Variants in TNFAIP8 observed in about 807,000 individuals in gnomAD.
TNFAIP8 encodes TNF alpha induced protein 8.
TNFAIP8 carries 7 observed loss-of-function variants against 13.3 expected under a neutral mutation model. The observed-to-expected ratio is 0.52, with a 90% CI of 0.30 to 0.99. The LOEUF is 0.99. Ranked by LOEUF, TNFAIP8 falls within the 50% of genes least tolerant of loss-of-function variation. The probability of loss-of-function intolerance (pLI) is 0.07; values close to 1 mark genes in which losing one functional copy is unlikely to be tolerated. For synonymous variants in TNFAIP8, 94 were observed against 87.6 expected (o/e 1.07, Z -0.41); for missense variants, 258 against 236.9 (o/e 1.09, Z -0.58).
intron 1 of TNFAIP8, among the ~76,000 whole-genome samples, chr5:119,391,188 C>T (rs977518424): frequency 6.6e-6 from 1 of 152,074 alleles, no homozygotes; most frequent in Non-Finnish European, 1.5e-5. Flanking sequence ...GTCACTCTTC[C>T]TATATGTCTT....
intron 1 of TNFAIP8, chr5:119,306,314 C>CTTTTTTTTTTTTTTTTTTTTTTTTTTTT (rs1324521590): frequency 7.4e-6 from 1 of 135,932 alleles, no homozygotes; most frequent in African/African-American, 3.4e-5. Context: ...TTCTTTCTTT[C>CTTTTTTTTTTTTTTTTTTTTTTTTTTTT]TTTCTTTTTC....
At chr5:119,356,386 T>C (rs184219769) in intron 1 of TNFAIP8, among the ~76,000 whole-genome samples, 1 of 152,264 alleles carries the variant, frequency 6.6e-6, no homozygotes, top group African/African-American at 2.4e-5. Context: ...TTTAGCTTTC[T>C]CTGGAAACGA....
chr5:119,283,985 G>A (rs1210258096), intron 1 of TNFAIP8, among the ~76,000 whole-genome samples: 1 of 152,140 alleles, frequency 6.6e-6, no homozygotes. Context: ...CCTCTGGTTA[G>A]CCCATGTATG....
At position 119,274,282 on chromosome 5, in the gene TNFAIP8, G is replaced by A. The variant is rs551488307; in HGVS notation, c.1+5375G>A. On this transcript the variant is annotated intron_variant, in intron 1 of 1. Transcript: ENST00000274456. ...CAAACTTTGGTCACGTAAATCTTTG[G>A]GAAGTAAGTCCAGTACCTCATTCCA... Among the ~76,000 whole-genome samples the A allele has an allele frequency of 3.9e-5, 6 of 152,342 alleles. No individual in the cohort carries two copies. In the East Asian group the frequency reaches 9.6e-4, roughly 24 times the overall value.
At chr5:119,302,433 T>C (rs1381058793) in intron 1 of TNFAIP8, among the ~76,000 whole-genome samples, 1 of 152,234 alleles carries the variant, frequency 6.6e-6, no homozygotes, top group Non-Finnish European at 1.5e-5. Context: ...CCTCTGCTTC[T>C]AGTATGTTTT....
intron 1 of TNFAIP8, among the ~76,000 whole-genome samples, chr5:119,293,034 A>G (rs1009804417): frequency 2.0e-5 from 3 of 152,072 alleles, no homozygotes; most frequent in African/African-American, 4.8e-5. Flanking sequence ...TGTTGTCACC[A>G]ATGGCAGGAG....
chr5:119,386,889 A>G (rs889454346), intron 1 of TNFAIP8, among the ~76,000 whole-genome samples: 4 of 151,884 alleles, frequency 2.6e-5, no homozygotes, highest in Admixed American at 6.6e-5. Context: ...GCTTGCTGCC[A>G]TGGTCGTTGC....
chr5:119,314,845 A>G (rs953994089), intron 1 of TNFAIP8, among the ~76,000 whole-genome samples: 1 of 152,208 alleles, frequency 6.6e-6, no homozygotes, highest in African/African-American at 2.4e-5. Flanking sequence ...TGTATGGCGC[A>G]TAGTAAAGTA....
intron 1 of TNFAIP8, among the ~76,000 whole-genome samples, chr5:119,372,278 C>G (rs764536744): frequency 4.1e-5 from 6 of 146,628 alleles, no homozygotes; most frequent in Admixed American, 1.4e-4. Flanking sequence ...GAGCAGAGAT[C>G]GTGCCACTTC....
In TNFAIP8 at chr5:119,398,805, A is replaced by G. The variant is rs368852663; in HGVS notation, c.*5424A>G. On this transcript the variant is annotated 3_prime_UTR_variant, in exon 2 of 2. Coordinates refer to ENST00000504771, the MANE Select transcript of TNFAIP8 (RefSeq NM_014350.4). ...GAGTATAAATATCTATATTGTTACC[A>G]TTATCTGGGATAATTGATGATTTAT... is the stretch of plus-strand genomic sequence containing the variant. 2 of 152,356 alleles carry G rather than the reference A, an allele frequency of 1.3e-5. No homozygotes were observed. Among genetic ancestry groups the G allele is most frequent in the Non-Finnish European group, 1.5e-5 (1 of 68,030 alleles). The allele number at this position is 152,356 out of a possible 1,614,324, so 9.4% of individuals were successfully genotyped here. A position where few individuals can be genotyped will look rare whatever the true frequency, so the allele number is the denominator to read the frequency against.
upstream of TNFAIP8, chr5:119,356,002 C>A: frequency 1.3e-6 from 2 of 1,530,382 alleles, no homozygotes; most frequent in South Asian, 1.2e-5. Context: ...TATTTTCCGT[C>A]GTGTGCGGAT....
chr5:119,355,349 A>G, upstream of TNFAIP8: 1 of 702,454 alleles, frequency 1.4e-6, no homozygotes. Context: ...GCCCGGGGCT[A>G]TACTGAATGA....
chr5:119,379,381 A>G (rs1020034012), intron 1 of TNFAIP8, among the ~76,000 whole-genome samples: 2 of 152,240 alleles, frequency 1.3e-5, no homozygotes, highest in Admixed American at 6.5e-5. Context: ...CTCTTTCACA[A>G]GACAGAAAAG....
At chr5:119,355,840 C>T (rs993607579), upstream of TNFAIP8, 24 of 1,066,434 alleles carry the variant, frequency 2.3e-5, no homozygotes, top group Non-Finnish European at 2.4e-5. Flanking sequence ...CGCCCGGCTG[C>T]CGGCCCGAGC....
chr5:119,356,206 T>G (rs1751405521), intron 1 of TNFAIP8, 85 bp downstream of exon 1: 1 of 1,268,210 alleles, frequency 7.9e-7, no homozygotes, highest in Middle Eastern at 2.0e-4. Context: ...ATGGGAGTTT[T>G]AAAGTGAGCG....
At chr5:119,364,841 GTTTTTTTTTTTT>G (rs10714712) in intron 1 of TNFAIP8, among the ~76,000 whole-genome samples, 10 of 88,700 alleles carry the variant, frequency 1.1e-4, no homozygotes, top group Middle Eastern at 5.7e-3. Context: ...TTTCTTTTCA[GTTTTTTTTTTTT>G]TTTTTTTTTT....
intron 1 of TNFAIP8, among the ~76,000 whole-genome samples, chr5:119,300,402 A>G (rs1439106745): frequency 3.3e-5 from 5 of 152,256 alleles, no homozygotes; most frequent in African/African-American, 1.2e-4. Flanking sequence ...ACTGCTTTAC[A>G]GGAGAATCTT....
rs1314063621 is a variant in TNFAIP8, at chr5:119,327,001, A to G, written c.1+58094A>G. Among the ~76,000 whole-genome samples the G allele has an allele frequency of 2.0e-5, 3 of 152,304 alleles. No individual in the cohort carries two copies. In the East Asian group the frequency reaches 5.8e-4, roughly 29 times the overall value. On this transcript the variant is annotated intron_variant, in intron 1 of 1. Transcript: ENST00000274456. ...CCATTGTCCTGAAGGGGCTTGGGTG[A>G]CAAGAAGATAGAGGAGACAGAAGTA...
intron 1 of TNFAIP8, among the ~76,000 whole-genome samples, 178 bp downstream of exon 1, chr5:119,356,299 C>G (rs1751411298): frequency 6.6e-6 from 1 of 152,150 alleles, no homozygotes; most frequent in Non-Finnish European, 1.5e-5. Flanking sequence ...TCTTGGGCTC[C>G]CTTCTCCCCC....
Sources: gnomAD v4.1 joint callset for allele counts (sites outside exome capture counted in the v4.1 genomes callset) on GRCh38, gnomAD v4.1.1 for gene constraint, MANE v1.5 for transcripts, NCBI Gene and HGNC (gene_info 2026-07-23, HGNC 2026-07-21) for gene names.